The following KHDRBS2 variants were observed in gnomAD, a reference collection of about 807,000 sequenced individuals.
The protein encoded by KHDRBS2 is KH domain-containing, RNA-binding, signal transduction-associated protein 2.
In KHDRBS2, 26 loss-of-function variants were observed where a neutral mutation model predicts 44.3. That is an observed-to-expected ratio of 0.59 (90% CI 0.43 to 0.81). KHDRBS2 has a LOEUF of 0.81. KHDRBS2 is among the 40% of genes least tolerant of loss of function. KHDRBS2 has a pLI of 0.00. For synonymous variants in KHDRBS2, 194 were observed against 151.1 expected, an observed-to-expected ratio of 1.28 and a Z score of -2.08; for missense variants, 476 against 433.1, an observed-to-expected ratio of 1.10 and a Z score of -0.88.
At chr6:61,795,112 C>G (rs1785127651) in intron 6 of KHDRBS2, among the ~76,000 whole-genome samples, 1 of 136,180 alleles carries the variant, frequency 7.3e-6, no homozygotes, top group African/African-American at 2.8e-5. Flanking sequence ...GCACTCCAGC[C>G]TGGCGACTGG....
chr6:62,232,971 T>C (rs1833123032), intron 1 of KHDRBS2, among the ~76,000 whole-genome samples: 1 of 152,102 alleles, frequency 6.6e-6, no homozygotes, highest in African/African-American at 2.4e-5. Context: ...CTCTGTCACC[T>C]CTTACACAAA....
At chr6:62,245,294 A>C (rs1835359610) in intron 1 of KHDRBS2, among the ~76,000 whole-genome samples, 1 of 152,106 alleles carries the variant, frequency 6.6e-6, no homozygotes, top group South Asian at 2.1e-4. Flanking sequence ...TTGCCCAGAG[A>C]CATTAAAAAG....
At chr6:61,947,753 T>TTA (rs1813659490) in intron 4 of KHDRBS2, among the ~76,000 whole-genome samples, 1 of 151,964 alleles carries the variant, frequency 6.6e-6, no homozygotes, top group African/African-American at 2.4e-5. Context: ...TGCTTCATAT[T>TTA]TATATGCATG....
the KHDRBS2 span, among the ~76,000 whole-genome samples, chr6:61,637,505 T>C: frequency 5.0e-3 from 767 of 152,264 alleles, 4 homozygotes; most frequent in African/African-American, 0.018. Context: ...TGTGTGCGTG[T>C]GTCTTTATAG....
intron 4 of KHDRBS2, among the ~76,000 whole-genome samples, chr6:61,906,138 G>A (rs1034439109): frequency 3.9e-5 from 6 of 152,186 alleles, no homozygotes; most frequent in South Asian, 2.1e-4. Context: ...GAGTCACCGC[G>A]CCTGGCGGAA....
At chr6:62,215,432 A>C (rs558651478) in intron 1 of KHDRBS2, among the ~76,000 whole-genome samples, 82 of 151,854 alleles carry the variant, frequency 5.4e-4, no homozygotes, top group African/African-American at 1.9e-3. Context: ...CAACCATATA[A>C]GCCACTCCTC....
At chr6:61,912,352 T>C (rs1435096676) in intron 4 of KHDRBS2, among the ~76,000 whole-genome samples, 5 of 152,168 alleles carry the variant, frequency 3.3e-5, no homozygotes, top group Non-Finnish European at 5.9e-5. Flanking sequence ...TAGGTATATG[T>C]CATTTATTCT....
chr6:61,966,908 T>C (rs1770081561), intron 4 of KHDRBS2, among the ~76,000 whole-genome samples: 1 of 151,874 alleles, frequency 6.6e-6, no homozygotes, highest in Non-Finnish European at 1.5e-5. Context: ...TTCATATATT[T>C]ATAATCCTAA....
chr6:61,900,178 T>G (rs1432643513), intron 5 of KHDRBS2, among the ~76,000 whole-genome samples: 1 of 152,104 alleles, frequency 6.6e-6, no homozygotes, highest in Non-Finnish European at 1.5e-5. Flanking sequence ...CTTGATATTT[T>G]ATTTGAGAAT....
intron 2 of KHDRBS2, among the ~76,000 whole-genome samples, chr6:62,087,133 CAAA>C (rs1798542853): frequency 6.6e-6 from 1 of 151,870 alleles, no homozygotes; most frequent in Admixed American, 6.6e-5. Context: ...TGAAAATGAG[CAAA>C]AGAAAAGGAT....
chr6:62,107,478 T>A (rs1803724982), intron 2 of KHDRBS2, among the ~76,000 whole-genome samples: 1 of 152,202 alleles, frequency 6.6e-6, no homozygotes, highest in Non-Finnish European at 1.5e-5. Flanking sequence ...TCCATGCTCA[T>A]GGGTAGGAAG....
In KHDRBS2 at chr6:61,834,700, C is replaced by T. The variant is rs570457055; in HGVS notation, c.810+59935G>A. On this transcript the variant is annotated intron_variant, in intron 6 of 8. Coordinates refer to ENST00000281156, the MANE Select transcript of KHDRBS2 (RefSeq NM_152688.4). ...GTTCATCATTTAATTCTTCTCATTA[C>T]AAAGGGTGCACTAAAAATAAGTCTC... Among the ~76,000 whole-genome samples the T allele has an allele frequency of 1.2e-4, 18 of 152,056 alleles. No individual in the cohort carries two copies. In the East Asian group the frequency reaches 2.7e-3, roughly 23 times the overall value.
intron 6 of KHDRBS2, among the ~76,000 whole-genome samples, chr6:61,874,005 A>G (rs1163929802): frequency 6.6e-6 from 1 of 152,042 alleles, no homozygotes; most frequent in Non-Finnish European, 1.5e-5. Flanking sequence ...TTATTTTTAA[A>G]CTATACATTA....
chr6:61,910,198 CT>C (rs1287979540), intron 4 of KHDRBS2, among the ~76,000 whole-genome samples: 2 of 152,194 alleles, frequency 1.3e-5, no homozygotes, highest in Non-Finnish European at 1.5e-5. Context: ...ACAACTAGCG[CT>C]GTGGTGGATG....
intron 2 of KHDRBS2, among the ~76,000 whole-genome samples, chr6:62,064,847 C>T (rs1452436542): frequency 2.0e-5 from 3 of 150,442 alleles, no homozygotes; most frequent in Non-Finnish European, 4.5e-5. Flanking sequence ...AACAGGCAAC[C>T]TACAAAATGG....
At chr6:61,823,949 A>C (rs1168843850) in intron 6 of KHDRBS2, among the ~76,000 whole-genome samples, 5 of 152,144 alleles carry the variant, frequency 3.3e-5, no homozygotes, top group African/African-American at 4.8e-5. Context: ...AAATATTAAC[A>C]ATCAATTCTT....
the KHDRBS2 span, among the ~76,000 whole-genome samples, chr6:61,662,469 G>A: frequency 1.1e-4 from 17 of 151,980 alleles, no homozygotes; most frequent in South Asian, 8.3e-4. Flanking sequence ...GCAACCTACA[G>A]AATGGGAGAA....
chr6:62,226,738 A>G (rs981346848), intron 1 of KHDRBS2, among the ~76,000 whole-genome samples: 3 of 152,124 alleles, frequency 2.0e-5, no homozygotes, highest in African/African-American at 7.2e-5. Context: ...AGTTTTCTGC[A>G]TATGTCTAGC....
intron 1 of KHDRBS2, among the ~76,000 whole-genome samples, chr6:62,184,120 T>A (rs1249378055): frequency 2.0e-5 from 3 of 151,730 alleles, no homozygotes; most frequent in Admixed American, 2.0e-4. Context: ...CACAGAAGAA[T>A]AATTTTCATC....
Sources: gnomAD v4.1 joint callset for allele counts (sites outside exome capture counted in the v4.1 genomes callset) on GRCh38, gnomAD v4.1.1 for gene constraint, MANE v1.5 for transcripts, NCBI Gene and HGNC (gene_info 2026-07-23, HGNC 2026-07-21) for gene names.